Variants in CRYBA4 observed in about 807,000 individuals in gnomAD.
The protein encoded by CRYBA4 is beta-crystallin A4.
A neutral mutation model predicts 31.7 loss-of-function variants in CRYBA4; 30 were observed. The ratio of observed to expected loss-of-function variants is 0.95; its 90% confidence interval spans 0.71 to 1.28. The LOEUF (loss-of-function observed/expected upper bound fraction) is 1.28. CRYBA4 is among the 50% of genes most tolerant of loss of function. The pLI, the probability that CRYBA4 is intolerant of heterozygous loss-of-function variation, is 0.00. For missense variants in CRYBA4, 225 were observed against 260.7 expected, an observed-to-expected ratio of 0.86 and a Z score of 0.94; for synonymous variants, 102 against 102.3, an observed-to-expected ratio of 1.00 and a Z score of 0.02.
At chr22:26,628,205 G>C in intron 4 of CRYBA4, 83 bp from the exon 5 acceptor site, 1 of 1,596,442 alleles carries the variant, frequency 6.3e-7, no homozygotes, top group Admixed American at 1.7e-5. Context: ...GGGAGACAAG[G>C]GCAGGGAGTG....
chr22:26,600,597 C>T, the CRYBA4 span, among the ~76,000 whole-genome samples: 2 of 152,296 alleles, frequency 1.3e-5, no homozygotes, highest in South Asian at 4.1e-4. Flanking sequence ...ATGCACCCAC[C>T]TCCTTGGTTT....
At chr22:26,596,572 A>T in the CRYBA4 span, 1 of 152,218 alleles carries the variant, frequency 6.6e-6, no homozygotes, top group East Asian at 1.9e-4. Flanking sequence ...TTATGTTTTG[A>T]TTGGTATTAT....
At chr22:26,621,209 G>A (rs1290852611), upstream of CRYBA4, among the ~76,000 whole-genome samples, 1 of 152,220 alleles carries the variant, frequency 6.6e-6, no homozygotes, top group Non-Finnish European at 1.5e-5. Flanking sequence ...GCAACTAACA[G>A]CTCCTCTATG....
rs773614671 is a variant in CRYBA4, at chr22:26,625,613, G to A, written c.291G>A (p.Ala97=). 9.9e-6 allele frequency: 16 copies of A among 1,613,642 alleles called. No individual in the cohort carries two copies. Among genetic ancestry groups the A allele is most frequent in the African/African-American group, 1.3e-5 (1 of 74,900 alleles). Residue 97 remains alanine (A), a synonymous_variant, in exon 4 of 6, where the codon GCG becomes GCA. Transcript: ENST00000354760. ...AGAGGCTCACCTCCTTCCGGCCTGC[G>A]GCCTGTGCTGTAAGTTCTACCACTG... The part of the protein sequence containing the change: ...PAERLTSFRP[A]ACANHRDSRL...
Position 26,625,533 on chromosome 22 carries a change from C to A in CRYBA4, c.211C>A (p.Arg71=). 2 of 1,614,038 alleles carry A rather than the reference C, an allele frequency of 1.2e-6. No homozygotes were observed. Among genetic ancestry groups the A allele is most frequent in the Non-Finnish European group, 1.7e-6 (2 of 1,180,024 alleles). The change falls in exon 4 of 6, where the codon CGA becomes AGA. Residue 71 remains arginine (R), a synonymous_variant. Transcript: ENST00000354760. Reference sequence around the variant, plus strand: ...CCAAGGGCAGCAGTACATTCTGGAACGAGGCGAATATCCAAGCTGGGATGC... The same window carrying A: ...CCAAGGGCAGCAGTACATTCTGGAAAGAGGCGAATATCCAAGCTGGGATGC... ...GFQGQQYILE[R]GEYPSWDAWG...
In CRYBA4 at chr22:26,630,041, TATA is replaced by T. The variant is rs1427965988; in HGVS notation, c.444-294_444-292del. ...TCGAATTACATGAGTGCTACAAAGG[TATA>T]ATAAGGGACTGTGGCCTGATTTGGG... On this transcript the variant is annotated intron_variant, in intron 5 of 5. Coordinates refer to ENST00000354760, the MANE Select transcript of CRYBA4 (RefSeq NM_001886.3). Among the ~76,000 whole-genome samples the T allele has an allele frequency of 5.9e-5, 9 of 152,334 alleles. 1 individual carries two copies. Among genetic ancestry groups the T allele is most frequent in the South Asian group, 2.1e-4 (1 of 4,826 alleles).
At chr22:26,593,611 C>T in the CRYBA4 span, among the ~76,000 whole-genome samples, 5 of 151,200 alleles carry the variant, frequency 3.3e-5, no homozygotes, top group East Asian at 5.8e-4. Flanking sequence ...CTGCAACCTC[C>T]GCCTCCTGGG....
chr22:26,616,448 C>T, the CRYBA4 span: 1 of 745,810 alleles, frequency 1.3e-6, no homozygotes, highest in East Asian at 2.7e-5. Flanking sequence ...CTCTCTATCT[C>T]CTTCTGAAAC....
the CRYBA4 span, among the ~76,000 whole-genome samples, chr22:26,607,084 A>G: frequency 2.9e-5 from 4 of 136,600 alleles, no homozygotes; most frequent in African/African-American, 1.1e-4. Context: ...GTGCAATGGC[A>G]TGATCTCGGC....
upstream of CRYBA4, among the ~76,000 whole-genome samples, chr22:26,619,985 C>T (rs547030392): frequency 6.8e-6 from 1 of 147,744 alleles, no homozygotes; most frequent in South Asian, 2.2e-4. Flanking sequence ...AATTTATTTT[C>T]TTTTCTTTTT....
chr22:26,608,174 G>T, the CRYBA4 span, among the ~76,000 whole-genome samples: 12 of 152,172 alleles, frequency 7.9e-5, no homozygotes, highest in South Asian at 2.1e-4. Flanking sequence ...TTGATTTTAG[G>T]CTCTGACACT....
At chr22:26,609,651 A>C in the CRYBA4 span, among the ~76,000 whole-genome samples, 1 of 152,164 alleles carries the variant, frequency 6.6e-6, no homozygotes, top group Non-Finnish European at 1.5e-5. Flanking sequence ...TCAATAGACG[A>C]ATGGGTAGAT....
At chr22:26,603,929 A>G in the CRYBA4 span, among the ~76,000 whole-genome samples, 1 of 146,760 alleles carries the variant, frequency 6.8e-6, no homozygotes, top group Non-Finnish European at 1.5e-5. Flanking sequence ...GTCTCAAAAA[A>G]CAAACAAACA....
the CRYBA4 span, among the ~76,000 whole-genome samples, chr22:26,600,706 A>G: frequency 6.6e-6 from 1 of 152,272 alleles, no homozygotes; most frequent in African/African-American, 2.4e-5. Flanking sequence ...TTAATTTCTA[A>G]CTTCTCTCAT....
the CRYBA4 span, chr22:26,602,164 G>T: frequency 9.5e-7 from 1 of 1,052,068 alleles, no homozygotes; most frequent in Non-Finnish European, 1.4e-6. Flanking sequence ...CTGCTGTCTA[G>T]TCTGGAAGGA....
At position 26,630,354 on chromosome 22, in the gene CRYBA4, A is replaced by C; in HGVS notation, c.458A>C (p.Gln153Pro). 4 of 1,614,230 alleles carry C rather than the reference A, an allele frequency of 2.5e-6. No homozygotes were observed. Among genetic ancestry groups the C allele is most frequent in the Non-Finnish European group, 3.4e-6 (4 of 1,180,030 alleles). ...CTCTTTTCCAGCTGGGTTTGCTCCCAGTTTCCGGGCTACCGAGGATTTCAG... is the reference window on the plus strand; with the variant it reads ...CTCTTTTCCAGCTGGGTTTGCTCCCCGTTTCCGGGCTACCGAGGATTTCAG... ...HVHSGAWVCS[Q>P]FPGYRGFQYV... The change falls in exon 6 of 6, where the codon CAG becomes CCG. Residue 153 changes from glutamine (Q) to proline (P), a missense_variant. Gln to Pro is a moderately conservative substitution (Grantham distance 76). Transcript: ENST00000354760.
chr22:26,600,872 C>T, the CRYBA4 span, among the ~76,000 whole-genome samples: 1 of 152,220 alleles, frequency 6.6e-6, no homozygotes, highest in Non-Finnish European at 1.5e-5. Context: ...CCTCTGACCT[C>T]CTACAACACA....
At chr22:26,607,220 G>A in the CRYBA4 span, among the ~76,000 whole-genome samples, 2 of 151,500 alleles carry the variant, frequency 1.3e-5, no homozygotes, top group African/African-American at 4.8e-5. Flanking sequence ...ACGGGGTTTC[G>A]TCATGTTGAT....
the CRYBA4 span, chr22:26,601,751 A>T: frequency 6.8e-7 from 1 of 1,467,096 alleles, no homozygotes; most frequent in Non-Finnish European, 9.3e-7. Context: ...AGGAACCAGC[A>T]CTGGGAGACT....
Sources: gnomAD v4.1 joint callset for allele counts (sites outside exome capture counted in the v4.1 genomes callset) on GRCh38, gnomAD v4.1.1 for gene constraint, MANE v1.5 for transcripts, NCBI Gene and HGNC (gene_info 2026-07-23, HGNC 2026-07-21) for gene names.